The following PAX8 variants were observed in gnomAD, a reference collection of about 807,000 sequenced individuals.
PAX8 encodes paired box 8.
PAX8 carries 15 observed loss-of-function variants against 52.4 expected under a neutral mutation model. The observed-to-expected ratio is 0.29, with a 90% confidence interval of 0.19 to 0.44. The LOEUF is 0.44. Ranked by LOEUF, PAX8 falls within the 20% of genes least tolerant of loss-of-function variation. The probability of loss-of-function intolerance (pLI) is 1.00; values close to 1 mark genes in which losing one functional copy is unlikely to be tolerated. For missense variants in PAX8, 554 were observed against 602.5 expected (o/e 0.92, Z 0.84); for synonymous variants, 284 against 249.7 (o/e 1.14, Z -1.29).
At chr2:113,234,264 C>T (rs1690104655) in intron 9 of PAX8, among the ~76,000 whole-genome samples, 1 of 152,238 alleles carries the variant, frequency 6.6e-6, no homozygotes, top group African/African-American at 2.4e-5. Context: ...CCTCTCCAAC[C>T]CAAGCCAAGC....
intron 2 of PAX8, among the ~76,000 whole-genome samples, chr2:113,256,346 G>A (rs541585351): frequency 1.0e-3 from 152 of 152,322 alleles, no homozygotes; most frequent in African/African-American, 3.4e-3. Context: ...CTGTGGAGCT[G>A]GGGATTGGAT....
chr2:113,235,319 G>T (rs989337337), intron 9 of PAX8, 75 bp downstream of exon 9: 3 of 1,266,664 alleles, frequency 2.4e-6, no homozygotes, highest in African/African-American at 1.5e-5. Context: ...CAGAGAGGGG[G>T]CTGGCGGTCT....
intron 1 of PAX8, 31 bp downstream of exon 1, chr2:113,278,800 C>A: frequency 9.8e-7 from 1 of 1,015,910 alleles, no homozygotes; most frequent in Non-Finnish European, 1.2e-6. Context: ...TCACTGCTAG[C>A]CAGCTTCCAG....
chr2:113,258,150 A>G (rs1196931478), intron 2 of PAX8, among the ~76,000 whole-genome samples: 1 of 152,134 alleles, frequency 6.6e-6, no homozygotes, highest in Non-Finnish European at 1.5e-5. Context: ...TCCAAAACAC[A>G]CTTCCAAGTC....
At chr2:113,241,286 A>G (rs1690815581) in intron 7 of PAX8, 1 of 583,436 alleles carries the variant, frequency 1.7e-6, no homozygotes, top group South Asian at 2.0e-5. Context: ...GGCAAGGGAT[A>G]GCATCATCAG....
chr2:113,244,190 G>A (rs2104496962), intron 4 of PAX8, among the ~76,000 whole-genome samples: 1 of 152,304 alleles, frequency 6.6e-6, no homozygotes, highest in Non-Finnish European at 1.5e-5. Flanking sequence ...GAAGGAAACT[G>A]TAGATAGCAC....
Position 113,242,128 on chromosome 2 carries a change from G to C in PAX8, c.481C>G (p.Pro161Ala). ...TCCGGGGGAGTTACAGCTGAGCTGG[G>C]GACTGCAGTGGGGGAGAGGGAGAGG... ...KSLSPGHTLI[P>A]SSAVTPPESP... The change falls in exon 6 of 12, where the codon CCC becomes GCC. Residue 161 changes from proline (P) to alanine (A), a missense_variant and splice_region_variant. Physicochemically the swap from Pro to Ala is conservative, Grantham distance 27. Coordinates refer to ENST00000429538, the MANE Select transcript of PAX8 (RefSeq NM_003466.4). 6.2e-7 allele frequency: 1 copy of C among 1,611,536 alleles called. No individual in the cohort carries two copies. Among genetic ancestry groups the C allele is most frequent in the Admixed American group, 1.7e-5 (1 of 59,926 alleles).
chr2:113,226,237 C>G lies in PAX8; in HGVS notation c.1189+918G>C, dbSNP rs1354303909. Reference sequence around the variant, plus strand: ...GCAGGCCTAGGTAAATACGCCAAGTCTCTGGGGTCACAGCCAGAGAGGCTG... The same window carrying G: ...GCAGGCCTAGGTAAATACGCCAAGTGTCTGGGGTCACAGCCAGAGAGGCTG... On this transcript the variant is annotated intron_variant, in intron 10 of 11. Transcript: ENST00000429538. 4.1e-6 allele frequency: 4 copies of G among 985,338 alleles called. No individual in the cohort carries two copies. The Admixed American group carries it at 1.8e-4, about 45-fold the overall frequency. The allele number at this position is 985,338 out of a possible 1,614,324, so 61.0% of individuals were successfully genotyped here. A position where few individuals can be genotyped will look rare whatever the true frequency, so the allele number is the denominator to read the frequency against.
chr2:113,259,752 C>T (rs969186828), intron 2 of PAX8, among the ~76,000 whole-genome samples: 2 of 152,198 alleles, frequency 1.3e-5, no homozygotes, highest in Admixed American at 1.3e-4. Flanking sequence ...GCAAATGGAG[C>T]TTCCCAGTGC....
intron 7 of PAX8, 106 bp downstream of exon 7, chr2:113,241,445 A>G (rs1274599051): frequency 2.6e-6 from 3 of 1,146,546 alleles, no homozygotes; most frequent in African/African-American, 3.1e-5. Flanking sequence ...CCCTGAGCCC[A>G]TTGATGCAAC....
chr2:113,221,742 A>C (rs879311499), intron 10 of PAX8, among the ~76,000 whole-genome samples: 3 of 152,170 alleles, frequency 2.0e-5, no homozygotes, highest in Non-Finnish European at 4.4e-5. Context: ...GGTTAGTGGG[A>C]GCTGCTTTAT....
intron 2 of PAX8, chr2:113,274,401 T>G (rs941565687): frequency 6.6e-6 from 1 of 152,180 alleles, no homozygotes; most frequent in South Asian, 2.1e-4. Flanking sequence ...AAAAATGTAT[T>G]TTGAAAGCAG....
intron 2 of PAX8, 116 bp downstream of exon 2, chr2:113,278,254 C>G (rs1188388479): frequency 1.2e-6 from 1 of 844,372 alleles, no homozygotes; most frequent in Non-Finnish European, 1.9e-6. Context: ...TGGGTCCCCA[C>G]GCGGGTGGGT....
At chr2:113,241,957 G>A (rs4849186) in intron 6 of PAX8, 51 bp downstream of exon 6, 3 of 1,605,040 alleles carry the variant, frequency 1.9e-6, no homozygotes, top group South Asian at 2.2e-5. Context: ...ATCAAAGCCT[G>A]AGCAAACTGC....
intron 6 of PAX8, 80 bp downstream of exon 6, chr2:113,241,927 GT>G: frequency 6.5e-7 from 1 of 1,549,226 alleles, no homozygotes; most frequent in Non-Finnish European, 8.8e-7. Flanking sequence ...CATATCATAA[GT>G]GGAAGGGTTT....
intron 3 of PAX8, among the ~76,000 whole-genome samples, chr2:113,245,646 G>GA (rs780713063): frequency 3.9e-5 from 6 of 152,166 alleles, no homozygotes; most frequent in Non-Finnish European, 7.3e-5. Context: ...TGCTTTGGCA[G>GA]ATCAACCGCC....
chr2:113,236,803 C>T, intron 7 of PAX8, 82 bp from the exon 8 acceptor site: 1 of 1,489,554 alleles, frequency 6.7e-7, no homozygotes, highest in Non-Finnish European at 9.0e-7. Flanking sequence ...TGTCTTAGGA[C>T]TTGGCAGCCC....
intron 6 of PAX8, 120 bp downstream of exon 6, chr2:113,241,888 C>G (rs1443997967): frequency 7.0e-7 from 1 of 1,436,552 alleles, no homozygotes; most frequent in African/African-American, 1.4e-5. Context: ...GGACATGTGA[C>G]AGTCACATGC....
At chr2:113,242,289 T>G (rs1357681487) in intron 5 of PAX8, among the ~76,000 whole-genome samples, 159 bp from the exon 6 acceptor site, 5 of 149,344 alleles carry the variant, frequency 3.3e-5, no homozygotes, top group East Asian at 2.0e-4. Flanking sequence ...GGGGTGACTC[T>G]GGGGGGACTG....
Sources: gnomAD v4.1 joint callset for allele counts (sites outside exome capture counted in the v4.1 genomes callset) on GRCh38, gnomAD v4.1.1 for gene constraint, MANE v1.5 for transcripts, NCBI Gene and HGNC (gene_info 2026-07-23, HGNC 2026-07-21) for gene names.